NT5C2: variants seen among roughly 807,000 people sequenced by gnomAD.
NT5C2 encodes 5'-nucleotidase, cytosolic II.
In NT5C2, 58 loss-of-function variants were observed where a neutral mutation model predicts 76.1. The observed-to-expected ratio is 0.76, with a 90% CI of 0.62 to 0.95. The LOEUF is 0.95. NT5C2 is among the 40% of genes least tolerant of loss of function. The probability of loss-of-function intolerance (pLI) is 0.00; values close to 1 mark genes in which losing one functional copy is unlikely to be tolerated. For synonymous variants in NT5C2, 229 were observed against 237.4 expected (o/e 0.96, Z 0.32); for missense variants, 478 against 690.3 (o/e 0.69, Z 3.45).
intron 8 of NT5C2, chr10:103,100,654 T>C (rs545690318): frequency 6.4e-6 from 3 of 471,166 alleles, no homozygotes; most frequent in African/African-American, 3.9e-5. Flanking sequence ...GGGAATGAAA[T>C]TAAATTACCA....
chr10:103,174,095 CAAAA>C (rs59543748), intron 3 of NT5C2, among the ~76,000 whole-genome samples: 2 of 81,276 alleles, frequency 2.5e-5, no homozygotes, highest in Non-Finnish European at 2.6e-5. Context: ...GACTCCGTCT[CAAAA>C]AAAAAAAAAA....
rs186622383 is a variant in NT5C2 at position 103,130,852 on chromosome 10, C to A, written c.175+8554G>T. On this transcript the variant is annotated intron_variant, in intron 4 of 18. Coordinates refer to ENST00000404739, the MANE Select transcript of NT5C2 (RefSeq NM_001351169.2). ...ATTAAAAAGCTGAAAAATCAAAAAA[C>A]CCCTCTCCCCAAAGAAGGTCTTCTG... Among the ~76,000 whole-genome samples, 116 of 152,144 alleles carry A rather than the reference C, an allele frequency of 7.6e-4. 1 individual carries two copies. Among genetic ancestry groups the A allele is most frequent in the African/African-American group, 2.7e-3 (112 of 41,528 alleles).
chr10:103,159,651 TAA>T (rs1415676654), intron 3 of NT5C2, among the ~76,000 whole-genome samples: 15 of 134,514 alleles, frequency 1.1e-4, no homozygotes, highest in Admixed American at 2.2e-4. Flanking sequence ...CCTGTCTCTT[TAA>T]AAAAAAAAAA....
At chr10:103,122,973 TAA>T (rs972004374) in intron 4 of NT5C2, among the ~76,000 whole-genome samples, 1 of 152,194 alleles carries the variant, frequency 6.6e-6, no homozygotes, top group African/African-American at 2.4e-5. Flanking sequence ...CTGTGTCCCA[TAA>T]AACTTACATT....
rs1203671699 is a variant in NT5C2, at chr10:103,128,328, G to A, written c.175+11078C>T. On this transcript the variant is annotated intron_variant, in intron 4 of 18. Coordinates refer to ENST00000404739, the MANE Select transcript of NT5C2 (RefSeq NM_001351169.2). ...GTGATCCCGCCAACCTCGGCCTCCC[G>A]AGGTGCCGGGATTGCAGACGGAGTC... Among the ~76,000 whole-genome samples, 4 of 148,582 alleles carry A rather than the reference G, an allele frequency of 2.7e-5. No individual in the cohort carries two copies. In the East Asian group the frequency reaches 6.0e-4, roughly 22 times the overall value.
chr10:103,097,005 T>C (rs952681376), intron 11 of NT5C2, among the ~76,000 whole-genome samples: 1 of 149,310 alleles, frequency 6.7e-6, no homozygotes, highest in Non-Finnish European at 1.5e-5. Flanking sequence ...GAAATGATGC[T>C]CCAAAGAGAC....
At position 103,088,251 on chromosome 10, in the gene NT5C2, A is replaced by G. The variant is rs947027349; in HGVS notation, c.*1421T>C. 2 of 152,250 alleles carry G rather than the reference A, an allele frequency of 1.3e-5. No individual in the cohort carries two copies. The highest frequency in any genetic ancestry group is 4.1e-4 in the South Asian group (2 of 4,828). The allele number at this position is 152,250 out of a possible 1,614,324, so 9.4% of individuals were successfully genotyped here. Reference sequence around the variant, plus strand: ...GGAAGAAAATATACAATGGTTAAAGAAAGAGTCTATAACCACTGTTTGTTT... The same window carrying G: ...GGAAGAAAATATACAATGGTTAAAGGAAGAGTCTATAACCACTGTTTGTTT... On this transcript the variant is annotated 3_prime_UTR_variant, in exon 19 of 19. Coordinates refer to ENST00000404739, the MANE Select transcript of NT5C2 (RefSeq NM_001351169.2).
chr10:103,124,223 T>G (rs1330271143), intron 4 of NT5C2, among the ~76,000 whole-genome samples: 2 of 152,144 alleles, frequency 1.3e-5, no homozygotes, highest in African/African-American at 4.8e-5. Flanking sequence ...TTTTTTTTTT[T>G]TAATTTAAAG....
rs1327564729 is a variant in NT5C2 at position 103,106,720 on chromosome 10, A to T, written c.176-14T>A. 1 of 1,459,248 alleles carries T rather than the reference A, an allele frequency of 6.9e-7. No homozygotes were observed. Among genetic ancestry groups the T allele is most frequent in the Admixed American group, 1.7e-5 (1 of 58,732 alleles). 90.4% of individuals were successfully genotyped at this position (1,459,248 alleles called of 1,614,324 possible). A position where few individuals can be genotyped will look rare whatever the true frequency, so the allele number is the denominator to read the frequency against. On this transcript the variant is annotated splice_polypyrimidine_tract_variant and intron_variant, in intron 4 of 18. Coordinates refer to ENST00000404739, the MANE Select transcript of NT5C2 (RefSeq NM_001351169.2). ...GGGACTTGTACACTGCACAAAGAGGAGGTTTTCATTAGTTAGCAGAAAGAA... is the reference window on the plus strand; with the variant it reads ...GGGACTTGTACACTGCACAAAGAGGTGGTTTTCATTAGTTAGCAGAAAGAA...
intron 4 of NT5C2, among the ~76,000 whole-genome samples, chr10:103,138,699 T>C (rs573980257): frequency 6.6e-6 from 1 of 152,348 alleles, no homozygotes; most frequent in South Asian, 2.1e-4. Context: ...TGAACACATT[T>C]CCCATCTGTG....
In NT5C2 at chr10:103,139,423, A is replaced by G. The variant is rs377751446; in HGVS notation, c.158T>C (p.Met53Thr). The change falls in exon 4 of 19, where the codon ATG becomes ACG. Residue 53 changes from methionine to threonine, a missense_variant. Physicochemically the swap from Met to Thr is moderately conservative, Grantham distance 81 (BLOSUM62 -1). Coordinates refer to ENST00000404739, the MANE Select transcript of NT5C2 (RefSeq NM_001351169.2). ...MEKIKCFGFD[M>T]DYTLAVYKSP... ...CTACTCACCAGCAAGGGTATAATCC[A>G]TATCAAAACCAAAACACTTTATCTT... The G allele has an allele frequency of 1.1e-5, 18 of 1,582,050 alleles. No homozygotes were observed. Among genetic ancestry groups the G allele is most frequent in the African/African-American group, 5.4e-5 (4 of 74,020 alleles).
At chr10:103,133,316 G>A (rs779764324) in intron 4 of NT5C2, among the ~76,000 whole-genome samples, 12 of 151,670 alleles carry the variant, frequency 7.9e-5, no homozygotes, top group Admixed American at 7.2e-4. Flanking sequence ...TGCCCAGGCC[G>A]GAGTGCAGTG....
chr10:103,106,113 G>C (rs578131020), intron 5 of NT5C2, among the ~76,000 whole-genome samples: 1 of 152,108 alleles, frequency 6.6e-6, no homozygotes, highest in East Asian at 1.9e-4. Context: ...TTTTTTCTTG[G>C]ACAACTGAGA....
At chr10:103,122,111 T>C (rs1273431774) in intron 4 of NT5C2, among the ~76,000 whole-genome samples, 1 of 151,592 alleles carries the variant, frequency 6.6e-6, no homozygotes, top group East Asian at 1.9e-4. Flanking sequence ...GAGGAGGGGG[T>C]TGTAGTGAGC....
intron 6 of NT5C2, among the ~76,000 whole-genome samples, chr10:103,103,655 A>G (rs2070388141): frequency 6.6e-6 from 1 of 152,170 alleles, no homozygotes; most frequent in African/African-American, 2.4e-5. Flanking sequence ...GAATGGGAAG[A>G]AAACAGTTAC....
At chr10:103,094,317 G>T in intron 13 of NT5C2, 31 bp downstream of exon 13, 1 of 1,343,294 alleles carries the variant, frequency 7.4e-7, no homozygotes, top group South Asian at 1.2e-5. Context: ...AGGACAATGT[G>T]CTAGCAAGAC....
chr10:103,104,065 T>C (rs1165190348), intron 6 of NT5C2, among the ~76,000 whole-genome samples: 1 of 152,206 alleles, frequency 6.6e-6, no homozygotes. Context: ...TTGTCCAGGC[T>C]GGTCTCCTAG....
chr10:103,170,526 C>CT (rs71019664), intron 3 of NT5C2, among the ~76,000 whole-genome samples: 13,779 of 117,730 alleles, frequency 0.12, 1,233 homozygotes, highest in Non-Finnish European at 0.18. Flanking sequence ...CACATGCACA[C>CT]TTTTTTTTTT....
chr10:103,164,307 G>T (rs1414607496), intron 3 of NT5C2, among the ~76,000 whole-genome samples: 1 of 152,052 alleles, frequency 6.6e-6, no homozygotes, highest in South Asian at 2.1e-4. Flanking sequence ...CGCCAGGCTG[G>T]AGTGCACTGG....
Sources: gnomAD v4.1 joint callset for allele counts (sites outside exome capture counted in the v4.1 genomes callset) on GRCh38, gnomAD v4.1.1 for gene constraint, MANE v1.5 for transcripts, NCBI Gene and HGNC (gene_info 2026-07-23, HGNC 2026-07-21) for gene names.